Variants in RAD51B observed in about 807,000 individuals in gnomAD.
RAD51B encodes DNA repair protein RAD51 homolog 2.
A neutral mutation model predicts 42.2 loss-of-function variants in RAD51B; 38 were observed. The observed-to-expected ratio is 0.90, with a 90% CI of 0.70 to 1.18. The LOEUF (loss-of-function observed/expected upper bound fraction) is 1.18, where lower values mean the gene tolerates loss of function less well. Ranked by LOEUF, RAD51B falls within the 50% of genes most tolerant of loss-of-function variation. The probability of loss-of-function intolerance (pLI) is 0.00; values close to 1 mark genes in which losing one functional copy is unlikely to be tolerated. For missense variants in RAD51B, 373 were observed against 400.7 expected (o/e 0.93, Z 0.59); for synonymous variants, 154 against 145.2 (o/e 1.06, Z -0.43).
intron 10 of RAD51B, among the ~76,000 whole-genome samples, chr14:68,498,405 T>C (rs1489748373): frequency 6.6e-6 from 1 of 152,230 alleles, no homozygotes; most frequent in Non-Finnish European, 1.5e-5. Context: ...TACTTTGTCT[T>C]ATTTTCACTT....
intron 7 of RAD51B, among the ~76,000 whole-genome samples, chr14:67,935,399 C>G (rs1214734631): frequency 1.3e-5 from 2 of 152,100 alleles, no homozygotes; most frequent in African/African-American, 4.8e-5. Flanking sequence ...CAGTCTTGCT[C>G]TCTTGCCCAA....
intron 10 of RAD51B, among the ~76,000 whole-genome samples, chr14:68,592,489 A>G (rs1375694607): frequency 6.6e-6 from 1 of 152,208 alleles, no homozygotes; most frequent in Non-Finnish European, 1.5e-5. Context: ...TGTGAGGTAC[A>G]AGTATCACTA....
At chr14:68,671,889 C>T (rs1566969005) in intron 11 of RAD51B, among the ~76,000 whole-genome samples, 3 of 152,052 alleles carry the variant, frequency 2.0e-5, no homozygotes, top group East Asian at 3.9e-4. Flanking sequence ...GCAAAAACTG[C>T]GAGAGTGGTT....
chr14:68,444,519 G>A (rs556463851), intron 9 of RAD51B, among the ~76,000 whole-genome samples: 1 of 152,030 alleles, frequency 6.6e-6, no homozygotes, highest in Non-Finnish European at 1.5e-5. Context: ...TATTGGAATG[G>A]AAATTAAACC....
chr14:68,650,756 A>G (rs1892683561), intron 10 of RAD51B: 1 of 747,834 alleles, frequency 1.3e-6, no homozygotes, highest in East Asian at 2.4e-5. Context: ...GTTCCTTACA[A>G]CCTATTTACT....
chr14:67,955,468 A>G (rs1470108831), intron 7 of RAD51B, among the ~76,000 whole-genome samples: 5 of 152,208 alleles, frequency 3.3e-5, no homozygotes, highest in Non-Finnish European at 7.4e-5. Context: ...AATCAAAGGC[A>G]TGGTTTTGTA....
At chr14:68,217,469 TA>T (rs1163835656) in intron 7 of RAD51B, among the ~76,000 whole-genome samples, 6 of 152,214 alleles carry the variant, frequency 3.9e-5, no homozygotes, top group Non-Finnish European at 8.8e-5. Flanking sequence ...GTCGGTACTC[TA>T]TGATGCGGGT....
intron 10 of RAD51B, chr14:68,562,895 T>C: frequency 1.0e-6 from 1 of 985,434 alleles, no homozygotes; most frequent in Non-Finnish European, 1.2e-6. Flanking sequence ...GGGCACCTTC[T>C]GGATGGAGCC....
At chr14:68,257,403 A>G (rs1475781672) in intron 7 of RAD51B, among the ~76,000 whole-genome samples, 1 of 152,194 alleles carries the variant, frequency 6.6e-6, no homozygotes, top group Non-Finnish European at 1.5e-5. Context: ...AAAATTAAAA[A>G]TTAAAATAAA....
intron 7 of RAD51B, among the ~76,000 whole-genome samples, chr14:68,119,992 C>G (rs2077619485): frequency 6.6e-6 from 1 of 152,038 alleles, no homozygotes; most frequent in Non-Finnish European, 1.5e-5. Flanking sequence ...TGTTTCCTGA[C>G]TTTTTAATGA....
At chr14:68,489,506 T>C (rs530643701) in intron 10 of RAD51B, among the ~76,000 whole-genome samples, 1 of 152,376 alleles carries the variant, frequency 6.6e-6, no homozygotes, top group African/African-American at 2.4e-5. Context: ...TCATGAAATC[T>C]CTTGGTTTCC....
intron 10 of RAD51B, among the ~76,000 whole-genome samples, chr14:68,520,340 GTAA>G (rs1249073797): frequency 6.6e-6 from 1 of 152,164 alleles, no homozygotes; most frequent in Non-Finnish European, 1.5e-5. Flanking sequence ...TTATAGGCAA[GTAA>G]ATTATGAACT....
intron 9 of RAD51B, among the ~76,000 whole-genome samples, chr14:68,442,232 G>A (rs1402374284): frequency 6.6e-6 from 1 of 152,074 alleles, no homozygotes; most frequent in Non-Finnish European, 1.5e-5. Flanking sequence ...GCCTACTACT[G>A]ACTGGATGAT....
At chr14:68,679,085 G>A (rs1893372492) in intron 11 of RAD51B, among the ~76,000 whole-genome samples, 1 of 151,022 alleles carries the variant, frequency 6.6e-6, no homozygotes, top group African/African-American at 2.4e-5. Context: ...AAGTAAATAT[G>A]TTAGCCAAAG....
chr14:68,505,051 T>G (rs540695421), intron 10 of RAD51B, among the ~76,000 whole-genome samples: 4 of 152,358 alleles, frequency 2.6e-5, no homozygotes, highest in Admixed American at 2.6e-4. Context: ...AGCAGCTCTT[T>G]GTCATTACGT....
chr14:68,314,726 C>G (rs1444119790), intron 8 of RAD51B, among the ~76,000 whole-genome samples: 1 of 152,136 alleles, frequency 6.6e-6, no homozygotes, highest in Non-Finnish European at 1.5e-5. Context: ...TGTGTCCAAG[C>G]TTTGATCCTC....
At chr14:67,825,040 TG>T (rs1465251150) in intron 2 of RAD51B, among the ~76,000 whole-genome samples, 1 of 121,470 alleles carries the variant, frequency 8.2e-6, no homozygotes, top group African/African-American at 3.2e-5. Context: ...ATCGTGCCAC[TG>T]CACTCCAGCC....
intron 8 of RAD51B, among the ~76,000 whole-genome samples, chr14:68,379,442 C>T (rs1295767440): frequency 6.6e-6 from 1 of 152,110 alleles, no homozygotes; most frequent in Admixed American, 6.6e-5. Flanking sequence ...GAGGAAATCC[C>T]CTTTCTGGCT....
intron 7 of RAD51B, among the ~76,000 whole-genome samples, chr14:67,896,841 T>A (rs1160303962): frequency 6.6e-6 from 1 of 152,188 alleles, no homozygotes; most frequent in East Asian, 1.9e-4. Flanking sequence ...AAATACTTTC[T>A]GATAAGAAAA....
Sources: gnomAD v4.1 joint callset for allele counts (sites outside exome capture counted in the v4.1 genomes callset) on GRCh38, gnomAD v4.1.1 for gene constraint, MANE v1.5 for transcripts, NCBI Gene and HGNC (gene_info 2026-07-23, HGNC 2026-07-21) for gene names.